Variants in NOX4 observed in about 807,000 individuals in gnomAD.
NOX4 encodes the protein kidney oxidase-1.
Under a neutral mutation model 87.6 loss-of-function variants are expected in NOX4, and 69 were observed. The ratio of observed to expected loss-of-function variants is 0.79; its 90% CI spans 0.65 to 0.96. The LOEUF (loss-of-function observed/expected upper bound fraction) is 0.96. Among genes scored for constraint, NOX4 ranks in the 40% least tolerant of loss-of-function variants. The pLI is 0.00. For missense variants in NOX4, 680 were observed against 681.5 expected (o/e 1.00, Z 0.02); for synonymous variants, 275 against 238.2 (o/e 1.15, Z -1.42).
chr11:89,480,377 A>G (rs982098816), intron 2 of NOX4, among the ~76,000 whole-genome samples: 4 of 152,170 alleles, frequency 2.6e-5, no homozygotes, highest in Admixed American at 2.6e-4. Flanking sequence ...AAAACACGAC[A>G]TAACAACAGT....
At chr11:89,586,798 A>G in the NOX4 span, among the ~76,000 whole-genome samples, 1 of 152,122 alleles carries the variant, frequency 6.6e-6, no homozygotes, top group African/African-American at 2.4e-5. Context: ...CCAGGTGGGA[A>G]AATTTTAGAA....
chr11:89,490,792 T>A, intron 1 of NOX4: 2 of 695,592 alleles, frequency 2.9e-6, no homozygotes, highest in Non-Finnish European at 5.2e-6. Flanking sequence ...GTTTCCTAAA[T>A]GATTTACAGC....
At chr11:89,436,311 G>A (rs1944080143) in intron 6 of NOX4, among the ~76,000 whole-genome samples, 1 of 152,108 alleles carries the variant, frequency 6.6e-6, no homozygotes, top group African/African-American at 2.4e-5. Flanking sequence ...TTGGTTGACA[G>A]CTCAGCTAAA....
Position 89,451,851 on chromosome 11 carries a change from G to A in NOX4, c.198C>T (p.Leu66=), listed in dbSNP as rs1332965440. The A allele has an allele frequency of 6.2e-7, 1 of 1,613,456 alleles. No individual in the cohort carries two copies. The highest frequency in any genetic ancestry group is 8.5e-7 in the Non-Finnish European group (1 of 1,179,538). Residue 66 remains leucine (L), a synonymous_variant, in exon 3 of 18, where the codon CTC becomes CTT. Coordinates refer to ENST00000263317, the MANE Select transcript of NOX4 (RefSeq NM_016931.5). Reference sequence around the variant, plus strand: ...TGGGTAAAAGGATAAGGCTGCAGTTGAGGTTAAGAACAGATGCTGAGGCTC... The same window carrying A: ...TGGGTAAAAGGATAAGGCTGCAGTTAAGGTTAAGAACAGATGCTGAGGCTC... ...LSRASASVLN[L]NCSLILLPMC... is the part of the protein sequence containing the mutation.
the NOX4 span, among the ~76,000 whole-genome samples, chr11:89,581,094 G>T: frequency 6.6e-6 from 1 of 152,138 alleles, no homozygotes; most frequent in Admixed American, 6.6e-5. Flanking sequence ...CCAGTAATTT[G>T]GTTAGATCAC....
chr11:89,455,744 A>ATATATATATATATATATATATATATGTG (rs1163284365), intron 2 of NOX4, among the ~76,000 whole-genome samples: 2 of 146,898 alleles, frequency 1.4e-5, no homozygotes, highest in African/African-American at 5.2e-5. Flanking sequence ...ATATATATAT[A>ATATATATATATATATATATATATATGTG]TGAAACAAAA....
intron 12 of NOX4, among the ~76,000 whole-genome samples, chr11:89,363,283 A>G (rs1233915595): frequency 3.9e-5 from 6 of 152,254 alleles, no homozygotes; most frequent in South Asian, 2.1e-4. Context: ...TTACATATAT[A>G]TCAATAATCT....
chr11:89,523,113 C>T, the NOX4 span, among the ~76,000 whole-genome samples: 44 of 152,104 alleles, frequency 2.9e-4, no homozygotes, highest in Non-Finnish European at 5.4e-4. Context: ...TAACCCCCAC[C>T]TCCGGGTTCA....
Position 89,325,251 on chromosome 11 carries a change from G to C in NOX4, c.*1505C>G, listed in dbSNP as rs1322157833. 1.3e-5 allele frequency: 2 copies of C among 149,840 alleles called. No homozygotes were observed. Among genetic ancestry groups the C allele is most frequent in the Non-Finnish European group, 2.9e-5 (2 of 67,874 alleles). 9.3% of individuals were successfully genotyped at this position (149,840 alleles called of 1,614,324 possible). ...GCGATTCTTTGCCTCAGTCTCCCGA[G>C]TAGTTGGGATTATAGGCACCCGCCA... is the stretch of plus-strand genomic sequence containing the variant. On this transcript the variant is annotated 3_prime_UTR_variant, in exon 18 of 18. Coordinates refer to ENST00000263317, the MANE Select transcript of NOX4 (RefSeq NM_016931.5).
the NOX4 span, among the ~76,000 whole-genome samples, chr11:89,536,881 C>G: frequency 6.6e-6 from 1 of 152,172 alleles, no homozygotes; most frequent in African/African-American, 2.4e-5. Flanking sequence ...TGATTCAAAA[C>G]TTCCACTCTT....
the NOX4 span, among the ~76,000 whole-genome samples, chr11:89,520,105 C>T: frequency 1.3e-5 from 2 of 151,822 alleles, no homozygotes; most frequent in African/African-American, 4.8e-5. Flanking sequence ...TTGATAGTCC[C>T]ATTAGAACTG....
intron 17 of NOX4, among the ~76,000 whole-genome samples, chr11:89,331,285 A>G (rs1451979429): frequency 6.6e-6 from 1 of 151,936 alleles, no homozygotes; most frequent in Non-Finnish European, 1.5e-5. Flanking sequence ...TTTGAACGAG[A>G]TGAAAATGAA....
At chr11:89,342,883 A>G (rs1419448826) in intron 13 of NOX4, among the ~76,000 whole-genome samples, 4 of 152,146 alleles carry the variant, frequency 2.6e-5, no homozygotes, top group Middle Eastern at 3.2e-3. Context: ...AGAAATGCTA[A>G]TTGTTCATAT....
At chr11:89,529,510 A>T in the NOX4 span, among the ~76,000 whole-genome samples, 1 of 152,184 alleles carries the variant, frequency 6.6e-6, no homozygotes, top group Non-Finnish European at 1.5e-5. Flanking sequence ...CTGGGAACAG[A>T]TCCTAGACAG....
chr11:89,572,100 T>A, the NOX4 span, among the ~76,000 whole-genome samples: 1 of 152,226 alleles, frequency 6.6e-6, no homozygotes, highest in Non-Finnish European at 1.5e-5. Flanking sequence ...TTAATTGATG[T>A]CTCATGTCTC....
At chr11:89,554,179 T>C in the NOX4 span, among the ~76,000 whole-genome samples, 1,030 of 152,180 alleles carry the variant, frequency 6.8e-3, 10 homozygotes, top group African/African-American at 0.023. Flanking sequence ...GGGGAATCTC[T>C]TATTTTCATA....
chr11:89,470,266 G>T (rs1945873006), intron 2 of NOX4, among the ~76,000 whole-genome samples: 1 of 152,012 alleles, frequency 6.6e-6, no homozygotes, highest in Admixed American at 6.6e-5. Context: ...TGAACTTATG[G>T]CATGGCTTCC....
At chr11:89,412,967 CAAAT>C (rs1423679331) in intron 8 of NOX4, among the ~76,000 whole-genome samples, 2 of 151,850 alleles carry the variant, frequency 1.3e-5, no homozygotes, top group African/African-American at 4.8e-5. Flanking sequence ...ATAAATAACT[CAAAT>C]AGTTATGTAA....
chr11:89,551,973 A>T, the NOX4 span, among the ~76,000 whole-genome samples: 1 of 152,030 alleles, frequency 6.6e-6, no homozygotes, highest in Non-Finnish European at 1.5e-5. Context: ...TAATCCAATG[A>T]TTCTCTTACA....
Sources: allele counts gnomAD v4.1 joint callset (sites outside exome capture counted in the v4.1 genomes callset), GRCh38; gene constraint gnomAD v4.1.1; transcripts MANE v1.5; gene names NCBI Gene and HGNC (gene_info 2026-07-23, HGNC 2026-07-21).